The following TEKT1 variants were observed in gnomAD, a reference collection of about 807,000 sequenced individuals.
TEKT1 encodes tektin-1.
TEKT1 carries 32 observed loss-of-function variants against 34.8 expected under a neutral mutation model. That is an observed-to-expected ratio of 0.92 (90% confidence interval 0.69 to 1.23). The LOEUF (loss-of-function observed/expected upper bound fraction) is 1.23, where lower values mean the gene tolerates loss of function less well. Ranked by LOEUF, TEKT1 falls within the 50% of genes most tolerant of loss-of-function variation. TEKT1 has a pLI of 0.00. For missense variants in TEKT1, 492 were observed against 518.5 expected, an observed-to-expected ratio of 0.95 and a Z score of 0.50; for synonymous variants, 207 against 199.8, an observed-to-expected ratio of 1.04 and a Z score of -0.30.
chr17:6,807,297 G>C (rs1327924209), intron 6 of TEKT1, among the ~76,000 whole-genome samples: 1 of 152,082 alleles, frequency 6.6e-6, no homozygotes, highest in Non-Finnish European at 1.5e-5. Flanking sequence ...CGTAGTTCTC[G>C]TGCCTTGGTT....
intron 5 of TEKT1, among the ~76,000 whole-genome samples, chr17:6,814,104 C>T (rs183083431): frequency 5.9e-4 from 90 of 152,244 alleles, no homozygotes; most frequent in Non-Finnish European, 9.4e-4. Flanking sequence ...CCACCCGGGT[C>T]AAGCCTTCAG....
At position 6,826,897 on chromosome 17, in the gene TEKT1, A is replaced by T. The variant is rs148801968; in HGVS notation, c.190+3290T>A. The stretch of plus-strand genomic sequence containing the variant: ...TTTTTAGTAGAGATGGAGTTTCACC[A>T]TGCTAGCCAGGATGGTCTCGCTGTC... On this transcript the variant is annotated intron_variant, in intron 2 of 7. Transcript: ENST00000338694. Among the ~76,000 whole-genome samples the T allele has an allele frequency of 6.6e-4, 101 of 152,098 alleles. 3 individuals carry two copies. The East Asian group carries it at 0.019, about 29-fold the overall frequency.
intron 6 of TEKT1, among the ~76,000 whole-genome samples, chr17:6,809,723 A>G (rs1173539729): frequency 2.1e-4 from 32 of 152,156 alleles, no homozygotes; most frequent in Admixed American, 2.1e-3. Context: ...AGAATGTCAT[A>G]TAGTTGGACT....
chr17:6,830,259 C>T lies in TEKT1; in HGVS notation c.118G>A (p.Glu40Lys), dbSNP rs771957536. Residue 40 changes from glutamate to lysine, a missense_variant, in exon 2 of 8, where the codon GAA becomes AAA. By Grantham distance (56) the Glu-to-Lys change is moderately conservative (BLOSUM62 1). Transcript: ENST00000338694. ...QRSRSERLVA[E>K]SQRLVDEIEK... The stretch of plus-strand genomic sequence containing the variant: ...ATTTCATCCACAAGCCTCTGGCTTT[C>T]TGCGACCAGGCGTTCTGATCGGGAC... 6.2e-7 allele frequency: 1 copy of T among 1,613,324 alleles called. No individual in the cohort carries two copies. The highest frequency in any genetic ancestry group is 2.2e-5 in the East Asian group (1 of 44,868).
chr17:6,815,592 C>A (rs1272588242), intron 4 of TEKT1, among the ~76,000 whole-genome samples: 1 of 152,174 alleles, frequency 6.6e-6, no homozygotes, highest in Non-Finnish European at 1.5e-5. Context: ...TGGGTTCCAG[C>A]GTCCTCCAGT....
chr17:6,800,742 C>A lies in TEKT1; in HGVS notation c.1049+5G>T, dbSNP rs373970906. 9.3e-6 allele frequency: 15 copies of A among 1,608,538 alleles called. No homozygotes were observed. The highest frequency in any genetic ancestry group is 1.3e-5 in the Non-Finnish European group (15 of 1,176,456). ...AGGCCCTCTGCCCACTGGCTGCTAG[C>A]CTACCTTGCGACATTGTGGGTGATC... On this transcript the variant is annotated splice_donor_5th_base_variant and intron_variant, in intron 7 of 7. Transcript: ENST00000338694.
chr17:6,807,326 T>C (rs1976860295), intron 6 of TEKT1, among the ~76,000 whole-genome samples: 1 of 152,260 alleles, frequency 6.6e-6, no homozygotes, highest in Admixed American at 6.5e-5. Flanking sequence ...CATCAGGTCC[T>C]TTAAGGACTT....
At chr17:6,814,109 C>T (rs956608218) in intron 5 of TEKT1, among the ~76,000 whole-genome samples, 2 of 152,124 alleles carry the variant, frequency 1.3e-5, no homozygotes, top group African/African-American at 4.8e-5. Context: ...CGGGTCAAGC[C>T]TTCAGATGGA....
intron 2 of TEKT1, among the ~76,000 whole-genome samples, chr17:6,821,670 C>T (rs1159126092): frequency 6.6e-6 from 1 of 152,128 alleles, no homozygotes; most frequent in East Asian, 1.9e-4. Flanking sequence ...CAGAAGAAGA[C>T]AGAAAGTTTT....
chr17:6,804,467 A>G (rs373637356), intron 6 of TEKT1, among the ~76,000 whole-genome samples: 4 of 151,902 alleles, frequency 2.6e-5, no homozygotes, highest in East Asian at 1.9e-4. Context: ...TCTCCTGCCT[A>G]ATTGCCCTGG....
intron 2 of TEKT1, among the ~76,000 whole-genome samples, chr17:6,824,438 C>T (rs1191003496): frequency 6.6e-6 from 1 of 152,196 alleles, no homozygotes; most frequent in African/African-American, 2.4e-5. Flanking sequence ...GTACTCTACA[C>T]ATTAACTTGG....
At position 6,813,946 on chromosome 17, in the gene TEKT1, T is replaced by TTCTCTCTC. The variant is rs71157224; in HGVS notation, c.630-901_630-894dup. 7.6e-3 allele frequency among the ~76,000 whole-genome samples: 1,110 copies of TTCTCTCTC among 145,930 alleles called. 7 individuals carry two copies. The highest frequency in any genetic ancestry group is 0.021 in the Middle Eastern group (6 of 286). ...AAAAGACTGTGGCTTCTGTCATCCG[T>TTCTCTCTC]TCTCTCTCTCTCTCTCTCTCTCTCT... On this transcript the variant is annotated intron_variant, in intron 5 of 7. Transcript: ENST00000338694.
chr17:6,819,420 T>A, intron 2 of TEKT1, 62 bp from the exon 3 acceptor site: 2 of 1,512,572 alleles, frequency 1.3e-6, no homozygotes, highest in Non-Finnish European at 1.8e-6. Flanking sequence ...ACATTTGAAT[T>A]AGAAACTTGA....
intron 2 of TEKT1, among the ~76,000 whole-genome samples, chr17:6,820,276 A>G (rs1977068324): frequency 6.6e-6 from 1 of 152,040 alleles, no homozygotes. Context: ...AGGAGTTAAA[A>G]TGGCATTTTT....
rs371977471 is a variant in TEKT1 at position 6,821,594 on chromosome 17, C to A, written c.191-2236G>T. Among the ~76,000 whole-genome samples the A allele has an allele frequency of 1.1e-4, 16 of 152,220 alleles. No individual in the cohort carries two copies. In the East Asian group the frequency reaches 1.5e-3, roughly 15 times the overall value. ...AAGTGAGGCACTGCTATAAAGATAA[C>A]CTGGAAATGTGGTAGTGACTTTGGA... On this transcript the variant is annotated intron_variant, in intron 2 of 7. Coordinates refer to ENST00000338694, the MANE Select transcript of TEKT1 (RefSeq NM_053285.2).
chr17:6,820,743 G>A (rs1156501576), intron 2 of TEKT1, among the ~76,000 whole-genome samples: 1 of 152,048 alleles, frequency 6.6e-6, no homozygotes, highest in Admixed American at 6.6e-5. Context: ...TTGCTTCCAG[G>A]AATCCCCTTC....
In TEKT1 at chr17:6,819,350, G is replaced by GTC; in HGVS notation, c.197_198dup (p.Leu67AspfsTer12). ...TTCTTCCAGAACTGGACTTCCTCGAGTCTCTGTTCTGAAGCACACGGGGAA... is the reference window on the plus strand; with the variant it reads ...TTCTTCCAGAACTGGACTTCCTCGAGTCTCTCTGTTCTGAAGCACACGGGGAA... On this transcript the variant is annotated frameshift_variant, in exon 3 of 8. Coordinates refer to ENST00000338694, the MANE Select transcript of TEKT1 (RefSeq NM_053285.2). LOFTEE classifies it high-confidence loss of function. The GTC allele has an allele frequency of 6.2e-7, 1 of 1,613,176 alleles. No individual in the cohort carries two copies. The highest frequency in any genetic ancestry group is 8.5e-7 in the Non-Finnish European group (1 of 1,179,604).
At chr17:6,816,005 T>A (rs1342404186) in intron 3 of TEKT1, 43 bp from the exon 4 acceptor site, 2 of 1,610,170 alleles carry the variant, frequency 1.2e-6, no homozygotes, top group East Asian at 4.5e-5. Flanking sequence ...ACGTGCAACA[T>A]GAGGTGACTC....
chr17:6,806,223 G>A (rs1321177586), intron 6 of TEKT1, among the ~76,000 whole-genome samples: 2 of 152,124 alleles, frequency 1.3e-5, no homozygotes, highest in African/African-American at 4.8e-5. Flanking sequence ...ATTATGTAAT[G>A]CCCTCCTTTG....
Sources: gnomAD v4.1 joint callset for allele counts (sites outside exome capture counted in the v4.1 genomes callset) on GRCh38, gnomAD v4.1.1 for gene constraint, MANE v1.5 for transcripts, NCBI Gene and HGNC (gene_info 2026-07-23, HGNC 2026-07-21) for gene names.